Variants in FBRSL1 observed in about 807,000 individuals in gnomAD.
FBRSL1 encodes the protein fibrosin like 1, also known as fibrosin-1-like protein.
In FBRSL1, 51 loss-of-function variants were observed where a neutral mutation model predicts 89.6. The ratio of observed to expected loss-of-function variants is 0.57; its 90% CI spans 0.45 to 0.72. FBRSL1 has a LOEUF of 0.72. Among genes scored for constraint, FBRSL1 ranks in the 30% least tolerant of loss-of-function variants. The probability of loss-of-function intolerance (pLI) is 0.00; values close to 1 mark genes in which losing one functional copy is unlikely to be tolerated. For synonymous variants in FBRSL1, 779 were observed against 681.1 expected (o/e 1.14, Z -2.24); for missense variants, 1,618 against 1,451.8 (o/e 1.11, Z -1.86).
intron 4 of FBRSL1, among the ~76,000 whole-genome samples, chr12:132,541,896 TC>T (rs200963720): frequency 0.1 from 15,354 of 151,986 alleles, 939 homozygotes; most frequent in Non-Finnish European, 0.14. Context: ...CCAGAGCTGC[TC>T]CCCCCACCAC....
At position 132,527,980 on chromosome 12, in the gene FBRSL1, G is replaced by A; in HGVS notation, c.607G>A (p.Gly203Ser). The change falls in exon 4 of 19, where the codon GGC becomes AGC. Residue 203 changes from glycine (G) to serine (S), a missense_variant. Transcript: ENST00000680143. ...CTCTGCGCATGCGGTCTCGGGGAGA[G>A]GCTACTCTGTAAGTCTCCCAGCACC... ...DSSAHAVSGR[G>S]YSCDSESGPD... The A allele has an allele frequency of 1.3e-6, 2 of 1,551,358 alleles. No homozygotes were observed. Among genetic ancestry groups the A allele is most frequent in the Non-Finnish European group, 1.7e-6 (2 of 1,146,854 alleles).
intron 9 of FBRSL1, chr12:132,572,008 C>T (rs372612224): frequency 1.7e-4 from 87 of 513,480 alleles, no homozygotes; most frequent in African/African-American, 1.0e-3. Flanking sequence ...CAGGGCTTCA[C>T]GCCCCAGGCC....
intron 4 of FBRSL1, among the ~76,000 whole-genome samples, chr12:132,529,128 G>T (rs1566148567): frequency 1.3e-5 from 2 of 152,202 alleles, no homozygotes; most frequent in Admixed American, 6.5e-5. Context: ...GAGGGTGGGG[G>T]CCTGGACTCT....
At chr12:132,543,377 G>C (rs901183762) in intron 4 of FBRSL1, among the ~76,000 whole-genome samples, 4 of 152,226 alleles carry the variant, frequency 2.6e-5, no homozygotes, top group Admixed American at 2.0e-4. Flanking sequence ...GTGGGGCCAG[G>C]ACCCGCCCCC....
intron 5 of FBRSL1, chr12:132,552,533 T>G (rs1031171327): frequency 2.0e-5 from 3 of 153,158 alleles, no homozygotes; most frequent in African/African-American, 7.7e-5. Context: ...GCCCCTGCTA[T>G]GGGGCACTCA....
chr12:132,545,691 G>A (rs2037631517), intron 4 of FBRSL1, among the ~76,000 whole-genome samples: 2 of 152,254 alleles, frequency 1.3e-5, no homozygotes, highest in South Asian at 4.1e-4. Flanking sequence ...CTCAAGCAGG[G>A]ATCTGGGTGC....
chr12:132,534,104 G>A (rs546727157), intron 4 of FBRSL1, among the ~76,000 whole-genome samples: 3 of 152,182 alleles, frequency 2.0e-5, no homozygotes, highest in Non-Finnish European at 4.4e-5. Flanking sequence ...GCTGAGAGGG[G>A]CAGGGTCCAG....
Position 132,568,136 on chromosome 12 carries a change from C to G in FBRSL1, c.691+610C>G, listed in dbSNP as rs116943593. On this transcript the variant is annotated intron_variant, in intron 6 of 18. Transcript: ENST00000680143. ...CAGCAACCCTCTCCAGAGGGGATAG[C>G]CCCAGCGTCTTCTTAGGGCCTCCCT... Among the ~76,000 whole-genome samples, 1,482 of 152,294 alleles carry G rather than the reference C, an allele frequency of 9.7e-3. 34 individuals carry two copies. Among genetic ancestry groups the G allele is most frequent in the East Asian group, 0.091 (469 of 5,166 alleles).
intron 18 of FBRSL1, among the ~76,000 whole-genome samples, chr12:132,582,583 G>C (rs1033699578): frequency 1.3e-5 from 2 of 151,944 alleles, no homozygotes; most frequent in African/African-American, 2.4e-5. Context: ...AGGATGAGGA[G>C]GGTGAAGACC....
intron 4 of FBRSL1, among the ~76,000 whole-genome samples, chr12:132,530,685 C>T (rs1271609524): frequency 7.1e-5 from 10 of 140,828 alleles, no homozygotes; most frequent in South Asian, 6.6e-4. Flanking sequence ...CCCCCACAGC[C>T]GAGGCACACA....
chr12:132,550,804 C>G (rs1166965826), intron 5 of FBRSL1: 1 of 155,604 alleles, frequency 6.4e-6, no homozygotes, highest in Non-Finnish European at 1.4e-5. Context: ...TGGCATCCAG[C>G]CCCTGATGCT....
At chr12:132,543,764 C>T (rs1022689329) in intron 4 of FBRSL1, among the ~76,000 whole-genome samples, 4 of 152,224 alleles carry the variant, frequency 2.6e-5, no homozygotes, top group African/African-American at 7.2e-5. Context: ...AACAGTGACA[C>T]GCAGTGGCCC....
Position 132,516,529 on chromosome 12 carries a change from G to T in FBRSL1, c.489+8179G>T, listed in dbSNP as rs184239300. Among the ~76,000 whole-genome samples the T allele has an allele frequency of 2.2e-3, 331 of 152,288 alleles. 1 individual carries two copies. Among genetic ancestry groups the T allele is most frequent in the African/African-American group, 7.4e-3 (306 of 41,548 alleles). On this transcript the variant is annotated intron_variant, in intron 2 of 18. Transcript: ENST00000680143. Reference sequence around the variant, plus strand: ...CATCTGTTAGATGGAGTTTCTGGATGTCCACGTTTTCTGTCTTCAGTGCCA... The same window carrying T: ...CATCTGTTAGATGGAGTTTCTGGATTTCCACGTTTTCTGTCTTCAGTGCCA...
At chr12:132,542,567 C>T (rs2037355989) in intron 4 of FBRSL1, among the ~76,000 whole-genome samples, 1 of 152,256 alleles carries the variant, frequency 6.6e-6, no homozygotes, top group Non-Finnish European at 1.5e-5. Context: ...CTCAGCCCCT[C>T]TCCCACCCAC....
Position 132,572,580 on chromosome 12 carries a change from C to T in FBRSL1, c.1488C>T (p.His496=), listed in dbSNP as rs1160372133. Residue 496 remains histidine, a synonymous_variant, in exon 11 of 19, where the codon CAC becomes CAT. Coordinates refer to ENST00000680143, the MANE Select transcript of FBRSL1 (RefSeq NM_001367871.1). ...CGGGACTGCCCACCCTGCTCCCACA[C>T]CCCGGCCCCTTCGGGTCCCTGCAGG... ...AIPGLPTLLP[H]PGPFGSLQGA... 1.3e-6 allele frequency: 2 copies of T among 1,551,164 alleles called. No homozygotes were observed. Among genetic ancestry groups the T allele is most frequent in the Admixed American group, 2.0e-5 (1 of 50,982 alleles).
intron 2 of FBRSL1, among the ~76,000 whole-genome samples, chr12:132,522,186 G>T (rs1017912931): frequency 6.6e-6 from 1 of 152,148 alleles, no homozygotes; most frequent in African/African-American, 2.4e-5. Flanking sequence ...GCTGGCTCCC[G>T]TCTCTCTGGC....
At chr12:132,555,986 C>T (rs1042264584) in intron 5 of FBRSL1, among the ~76,000 whole-genome samples, 5 of 152,306 alleles carry the variant, frequency 3.3e-5, no homozygotes, top group African/African-American at 1.2e-4. Flanking sequence ...TCCCTGGGCT[C>T]TTCCCCCAGC....
intron 1 of FBRSL1, among the ~76,000 whole-genome samples, chr12:132,497,734 GC>G (rs1488633393): frequency 6.6e-6 from 1 of 152,164 alleles, no homozygotes; most frequent in East Asian, 1.9e-4. Context: ...GCAACCCCGG[GC>G]TGGGGATCTA....
chr12:132,567,239 C>T (rs909418325), intron 5 of FBRSL1, among the ~76,000 whole-genome samples: 1 of 152,204 alleles, frequency 6.6e-6, no homozygotes, highest in African/African-American at 2.4e-5. Context: ...CTCAGACCCC[C>T]TCTAGGAAGC....
Sources: gnomAD v4.1 joint callset for allele counts (sites outside exome capture counted in the v4.1 genomes callset) on GRCh38, gnomAD v4.1.1 for gene constraint, MANE v1.5 for transcripts, NCBI Gene and HGNC (gene_info 2026-07-23, HGNC 2026-07-21) for gene names.